SHPK: variants seen among roughly 807,000 people sequenced by gnomAD.
SHPK encodes the protein carbohydrate kinase-like protein.
Under a neutral mutation model 46.3 loss-of-function variants are expected in SHPK, and 51 were observed. The observed-to-expected ratio is 1.10, with a 90% CI of 0.88 to 1.39. The LOEUF (loss-of-function observed/expected upper bound fraction) is 1.39. Among genes scored for constraint, SHPK ranks in the 40% most tolerant of loss-of-function variants. The pLI, the probability that SHPK is intolerant of heterozygous loss-of-function variation, is 0.00. For synonymous variants in SHPK, 290 were observed against 273.9 expected (o/e 1.06, Z -0.58); for missense variants, 668 against 641.3 (o/e 1.04, Z -0.45).
chr17:3,636,209 C>G lies in SHPK; in HGVS notation c.11G>C (p.Arg4Pro), dbSNP rs367944958. The part of the protein sequence containing the change: MAA[R>P]PITLGIDLGT... ...CAGGTCAATGCCGAGGGTGATCGGC[C>G]GCGCAGCCATTATCTCCCTGACCCG... is the stretch of plus-strand genomic sequence containing the variant. The change falls in exon 1 of 7, where the codon CGG (arginine) becomes CCG (proline). Residue 4 changes from arginine (R) to proline (P), a missense_variant. Coordinates refer to ENST00000225519, the MANE Select transcript of SHPK (RefSeq NM_013276.4). The G allele has an allele frequency of 6.2e-7, 1 of 1,603,454 alleles. No individual in the cohort carries two copies. The highest frequency in any genetic ancestry group is 2.3e-5 in the East Asian group (1 of 44,328).
chr17:3,623,968 G>C, intron 3 of SHPK, 80 bp downstream of exon 3: 1 of 1,346,780 alleles, frequency 7.4e-7, no homozygotes, highest in East Asian at 2.3e-5. Context: ...CCCAGCAGGC[G>C]GGGTGATGCT....
At chr17:3,622,660 G>T in intron 4 of SHPK, 6 of 798,634 alleles carry the variant, frequency 7.5e-6, no homozygotes, top group Non-Finnish European at 9.1e-6. Context: ...TGTTCAAAAA[G>T]AACTTAAAAG....
At chr17:3,612,738 G>A (rs2150866258) in intron 6 of SHPK, among the ~76,000 whole-genome samples, 1 of 143,472 alleles carries the variant, frequency 7.0e-6, no homozygotes, top group Non-Finnish European at 1.5e-5. Context: ...ACATACAGAT[G>A]AGTCACTCAG....
In SHPK at chr17:3,610,284, T is replaced by C; in HGVS notation, c.*276A>G. ...TGCTGACCAGCAGGCTGGGCTACTG[T>C]GCTCTCATGCTCTCTCTCTCCCACA... On this transcript the variant is annotated 3_prime_UTR_variant, in exon 7 of 7. Coordinates refer to ENST00000225519, the MANE Select transcript of SHPK (RefSeq NM_013276.4). 2.5e-6 allele frequency: 1 copy of C among 406,742 alleles called. No individual in the cohort carries two copies. Among genetic ancestry groups the C allele is most frequent in the South Asian group, 3.5e-5 (1 of 28,728 alleles). The allele number at this position is 406,742 out of a possible 1,614,324, so 25.2% of individuals were successfully genotyped here. A position where few individuals can be genotyped will look rare whatever the true frequency, so the allele number is the denominator to read the frequency against.
chr17:3,625,882 A>G (rs1008771295), intron 2 of SHPK, among the ~76,000 whole-genome samples: 16 of 152,096 alleles, frequency 1.1e-4, no homozygotes, highest in South Asian at 2.1e-4. Context: ...GCGAAACCCC[A>G]TCTCTACAAA....
At position 3,615,428 on chromosome 17, in the gene SHPK, G is replaced by C. The variant is rs774951113; in HGVS notation, c.933C>G (p.Asn311Lys). The change falls in exon 6 of 7, where the codon AAC becomes AAG. Residue 311 changes from asparagine (N) to lysine (K), a missense_variant. By Grantham distance (94) the Asn-to-Lys change is moderately conservative. Transcript: ENST00000225519. Reference protein sequence around the residue: ...TAPVAYFPYFNRTYLGVAASL... With the variant: ...TAPVAYFPYFKRTYLGVAASL... ...ACGCGGCCACCCCCAGGTAGGTCCT[G>C]TTGAAGTATGGGAAGTAGGCGACTG... 6.2e-7 allele frequency: 1 copy of C among 1,614,180 alleles called. No homozygotes were observed. The highest frequency in any genetic ancestry group is 1.1e-5 in the South Asian group (1 of 91,086).
At chr17:3,622,757 T>G (rs1597573107) in intron 4 of SHPK, 1 of 191,068 alleles carries the variant, frequency 5.2e-6, no homozygotes. Context: ...CAGGCTGGAG[T>G]GCCGTGGTGC....
chr17:3,621,627 T>C (rs1485565430), intron 4 of SHPK, among the ~76,000 whole-genome samples: 2 of 130,714 alleles, frequency 1.5e-5, no homozygotes, highest in South Asian at 2.9e-4. Flanking sequence ...CTCCCTTCCT[T>C]CCTTCCTTCC....
chr17:3,611,372 C>A (rs935978634), intron 6 of SHPK, among the ~76,000 whole-genome samples: 10 of 152,212 alleles, frequency 6.6e-5, no homozygotes, highest in Non-Finnish European at 1.5e-4. Flanking sequence ...AGTTCAAGAC[C>A]AGCCTGGCCA....
At position 3,632,966 on chromosome 17, in the gene SHPK, T is replaced by C. The variant is rs951987453; in HGVS notation, c.169-2620A>G. On this transcript the variant is annotated intron_variant, in intron 1 of 6. Transcript: ENST00000225519. ...TTGAGGAAAGAACACAGCCAGCAGA[T>C]ATTACTTTTTTTTTTTTTTTTTTTT... 1.5e-4 allele frequency among the ~76,000 whole-genome samples: 21 copies of C among 144,420 alleles called. 1 individual carries two copies. The South Asian group carries it at 1.8e-3, about 12-fold the overall frequency. 94.7% of individuals were successfully genotyped at this position (144,420 alleles called of 152,430 possible).
In SHPK at chr17:3,611,425, C is replaced by T. The variant is rs140088633; in HGVS notation, c.1025-453G>A. Among the ~76,000 whole-genome samples the T allele has an allele frequency of 5.1e-3, 779 of 152,198 alleles. 8 individuals carry two copies. The highest frequency in any genetic ancestry group is 0.018 in the African/African-American group (742 of 41,536). ...CTCTACTAAAAGTACAAAAATTAAC[C>T]GGGCGTGGTGGCAGGCACCTGTAAT... On this transcript the variant is annotated intron_variant, in intron 6 of 6. Transcript: ENST00000225519.
chr17:3,628,548 C>T (rs761632818), intron 2 of SHPK, among the ~76,000 whole-genome samples: 6 of 152,134 alleles, frequency 3.9e-5, no homozygotes, highest in Non-Finnish European at 8.8e-5. Context: ...GTCTCTAATT[C>T]CTGACCTCGT....
At position 3,622,706 on chromosome 17, in the gene SHPK, C is replaced by CCTT; in HGVS notation, c.647+632_647+633insAAG. ...AGCCTACTATCTCTAGTTCTTTTTTCTTTTTTTTTTTTTTTGAGACAAGAG... is the reference window on the plus strand; with the variant it reads ...AGCCTACTATCTCTAGTTCTTTTTTCCTTTTTTTTTTTTTTTTTGAGACAAGAG... On this transcript the variant is annotated intron_variant, in intron 4 of 6. Transcript: ENST00000225519. 3 of 220,102 alleles carry CCTT rather than the reference C, an allele frequency of 1.4e-5. No homozygotes were observed. In the South Asian group the frequency reaches 5.3e-4, roughly 39 times the overall value. The allele number at this position is 220,102 out of a possible 1,614,324, so 13.6% of individuals were successfully genotyped here.
intron 1 of SHPK, among the ~76,000 whole-genome samples, chr17:3,632,971 C>CTTTTTT (rs34873037): frequency 1.2e-5 from 1 of 81,726 alleles, no homozygotes; most frequent in Non-Finnish European, 2.4e-5. Context: ...GCAGATATTA[C>CTTTTTT]TTTTTTTTTT....
intron 6 of SHPK, among the ~76,000 whole-genome samples, chr17:3,613,514 G>A (rs1052924714): frequency 4.0e-5 from 6 of 151,888 alleles, no homozygotes; most frequent in African/African-American, 4.8e-5. Flanking sequence ...AATTACAAGC[G>A]TGTGCCACCA....
chr17:3,616,178 C>G (rs1464491159), intron 5 of SHPK, among the ~76,000 whole-genome samples: 1 of 152,094 alleles, frequency 6.6e-6, no homozygotes, highest in African/African-American at 2.4e-5. Flanking sequence ...AGAGGTAGAA[C>G]CTGATTCCCC....
intron 6 of SHPK, among the ~76,000 whole-genome samples, chr17:3,614,152 C>A (rs1286135477): frequency 2.0e-5 from 3 of 152,190 alleles, no homozygotes; most frequent in Non-Finnish European, 4.4e-5. Context: ...CTTGCCAAGG[C>A]CAAATAATGA....
chr17:3,614,487 T>C (rs1046417420), intron 6 of SHPK, among the ~76,000 whole-genome samples: 1 of 150,294 alleles, frequency 6.7e-6, no homozygotes, highest in Non-Finnish European at 1.5e-5. Context: ...ATCGCACTAC[T>C]GCACTCCAGC....
At chr17:3,622,470 C>T (rs746363987) in intron 4 of SHPK, 23 of 495,060 alleles carry the variant, frequency 4.6e-5, no homozygotes, top group Non-Finnish European at 5.8e-5. Context: ...TCCTGAATAT[C>T]AAACGTGTTA....
Sources: allele counts gnomAD v4.1 joint callset (sites outside exome capture counted in the v4.1 genomes callset), GRCh38; gene constraint gnomAD v4.1.1; transcripts MANE v1.5; gene names NCBI Gene and HGNC (gene_info 2026-07-23, HGNC 2026-07-21).